Variants in JAKMIP2 observed in about 807,000 individuals in gnomAD.
JAKMIP2 encodes janus kinase and microtubule interacting protein 2.
In JAKMIP2, 25 loss-of-function variants were observed where a neutral mutation model predicts 115.0. That is an observed-to-expected ratio of 0.22 (90% CI 0.16 to 0.30). The LOEUF (loss-of-function observed/expected upper bound fraction) is 0.30, where lower values mean the gene tolerates loss of function less well. Among genes scored for constraint, JAKMIP2 ranks in the 10% least tolerant of loss-of-function variants. The pLI is 1.00. For synonymous variants in JAKMIP2, 334 were observed against 343.6 expected, an observed-to-expected ratio of 0.97 and a Z score of 0.31; for missense variants, 642 against 957.6, an observed-to-expected ratio of 0.67 and a Z score of 4.35.
intron 3 of JAKMIP2, among the ~76,000 whole-genome samples, chr5:147,657,415 C>A (rs947212722): frequency 8.5e-5 from 13 of 152,214 alleles, no homozygotes; most frequent in African/African-American, 2.9e-4. Context: ...CCTGGCCTTT[C>A]TCTCTGGTTA....
At position 147,603,795 on chromosome 5, in the gene JAKMIP2, G is replaced by A. The variant is rs76536722; in HGVS notation, c.2413-1984C>T. On this transcript the variant is annotated intron_variant, in intron 20 of 21. Coordinates refer to ENST00000616793, the MANE Select transcript of JAKMIP2 (RefSeq NM_001270941.2). Reference sequence around the variant, plus strand: ...GTAAAGTGTACTGAGCAAAAGAATTGTGAAAAAGTTTACATTGAATTCCAA... The same window carrying A: ...GTAAAGTGTACTGAGCAAAAGAATTATGAAAAAGTTTACATTGAATTCCAA... Among the ~76,000 whole-genome samples, 855 of 152,270 alleles carry A rather than the reference G, an allele frequency of 5.6e-3. 10 individuals carry two copies. Among genetic ancestry groups the A allele is most frequent in the African/African-American group, 0.02 (821 of 41,546 alleles).
chr5:147,688,937 A>T (rs1253748770), intron 1 of JAKMIP2, among the ~76,000 whole-genome samples: 1 of 152,256 alleles, frequency 6.6e-6, no homozygotes, highest in South Asian at 2.1e-4. Flanking sequence ...CATAATAAGC[A>T]TGCTAAGTAA....
intron 1 of JAKMIP2, among the ~76,000 whole-genome samples, chr5:147,718,212 G>A (rs1753097761): frequency 6.6e-6 from 1 of 151,336 alleles, no homozygotes; most frequent in African/African-American, 2.4e-5. Context: ...TGATCATGGT[G>A]GATAAGCTTT....
intron 2 of JAKMIP2, among the ~76,000 whole-genome samples, chr5:147,668,495 T>C (rs1759416959): frequency 1.3e-5 from 2 of 152,216 alleles, no homozygotes; most frequent in Admixed American, 1.3e-4. Context: ...GTGAGTACTG[T>C]AACGGTACTT....
chr5:147,767,153 TG>T (rs1377302402), intron 1 of JAKMIP2, among the ~76,000 whole-genome samples: 2 of 152,158 alleles, frequency 1.3e-5, no homozygotes, highest in Non-Finnish European at 2.9e-5. Context: ...AATGACCTGT[TG>T]GCTAAACTGA....
intron 10 of JAKMIP2, among the ~76,000 whole-genome samples, chr5:147,637,547 C>T (rs1329125571): frequency 6.7e-6 from 1 of 149,320 alleles, no homozygotes; most frequent in African/African-American, 2.5e-5. Context: ...TCAAGCAATT[C>T]TCCCGCTTCA....
chr5:147,657,045 C>T (rs958870325), intron 3 of JAKMIP2, among the ~76,000 whole-genome samples: 7 of 152,038 alleles, frequency 4.6e-5, no homozygotes, highest in African/African-American at 7.2e-5. Flanking sequence ...TTTGGGAGGC[C>T]GAGGCGGGTG....
At chr5:147,762,639 T>G (rs1754969187) in intron 1 of JAKMIP2, among the ~76,000 whole-genome samples, 3 of 152,120 alleles carry the variant, frequency 2.0e-5, no homozygotes, top group Non-Finnish European at 2.9e-5. Flanking sequence ...TCAACCCTTA[T>G]GACCTCATTT....
chr5:147,678,032 T>C (rs1200688042), intron 1 of JAKMIP2, among the ~76,000 whole-genome samples: 1 of 152,090 alleles, frequency 6.6e-6, no homozygotes, highest in South Asian at 2.1e-4. Flanking sequence ...TGAGACGGAG[T>C]CTTGCTCTGT....
chr5:147,681,137 A>G (rs1760245899), intron 1 of JAKMIP2, among the ~76,000 whole-genome samples: 1 of 152,200 alleles, frequency 6.6e-6, no homozygotes, highest in South Asian at 2.1e-4. Flanking sequence ...TGATAAATAA[A>G]TAATTTGGAT....
At chr5:147,612,618 G>GAGCCT (rs1473881784) in intron 19 of JAKMIP2, among the ~76,000 whole-genome samples, 1 of 152,174 alleles carries the variant, frequency 6.6e-6, no homozygotes, top group African/African-American at 2.4e-5. Context: ...CTTTTCTACT[G>GAGCCT]AGCCTATCCC....
At chr5:147,689,478 C>T (rs924377745) in intron 1 of JAKMIP2, among the ~76,000 whole-genome samples, 8 of 152,044 alleles carry the variant, frequency 5.3e-5, no homozygotes, top group African/African-American at 1.9e-4. Context: ...GAGATGGTAG[C>T]GGCTTAGAGA....
At chr5:147,720,280 C>T (rs1753212199) in intron 1 of JAKMIP2, among the ~76,000 whole-genome samples, 1 of 151,786 alleles carries the variant, frequency 6.6e-6, no homozygotes, top group Non-Finnish European at 1.5e-5. Context: ...CTGCCCTTAA[C>T]ATTTTTTCCT....
rs1256553916 is a variant in JAKMIP2 at position 147,767,770 on chromosome 5, G to GA, written c.-149+14685dup. 7.6e-4 allele frequency among the ~76,000 whole-genome samples: 115 copies of GA among 152,056 alleles called. 1 individual carries two copies. Among genetic ancestry groups the GA allele is most frequent in the East Asian group, 7.7e-4 (4 of 5,168 alleles). The stretch of plus-strand genomic sequence containing the variant: ...CACATGCAAGAAACGGTTCAAATTG[G>GA]AAAAAAATCTTTAAAAAGCCATTCA... On this transcript the variant is annotated intron_variant, in intron 1 of 21. Coordinates refer to ENST00000616793, the MANE Select transcript of JAKMIP2 (RefSeq NM_001270941.2).
At chr5:147,702,423 GAGGAAGGAAGGAAGGTAGGA>G (rs1487212908) in intron 1 of JAKMIP2, among the ~76,000 whole-genome samples, 1 of 128,196 alleles carries the variant, frequency 7.8e-6, no homozygotes, top group Non-Finnish European at 1.6e-5. Flanking sequence ...AAGAAAGAAA[GAGGAAGGAAGGAAGGTAGGA>G]AGGAAGGAAG....
chr5:147,711,774 T>G (rs1752791974), intron 1 of JAKMIP2, among the ~76,000 whole-genome samples: 1 of 152,150 alleles, frequency 6.6e-6, no homozygotes, highest in African/African-American at 2.4e-5. Flanking sequence ...TTGAAGCGAT[T>G]CTCCGGCCTC....
At chr5:147,756,574 T>C (rs568639411) in intron 1 of JAKMIP2, among the ~76,000 whole-genome samples, 15 of 152,266 alleles carry the variant, frequency 9.9e-5, no homozygotes, top group African/African-American at 3.4e-4. Flanking sequence ...TTTAAGACTG[T>C]TGCTCATGGG....
In JAKMIP2 at chr5:147,628,688, G is replaced by C. The variant is rs1757221972; in HGVS notation, c.1995+63C>G. 3 of 1,239,656 alleles carry C rather than the reference G, an allele frequency of 2.4e-6. No individual in the cohort carries two copies. In the Admixed American group the frequency reaches 5.3e-5, roughly 22 times the overall value. The allele number at this position is 1,239,656 out of a possible 1,614,324, so 76.8% of individuals were successfully genotyped here. A position where few individuals can be genotyped will look rare whatever the true frequency, so the allele number is the denominator to read the frequency against. ...CAGAGGGAATGTCCTTCACACCCTA[G>C]TCTGCTCGTTCAGTATTAAGCCAGA... On this transcript the variant is annotated intron_variant, in intron 16 of 21. Coordinates refer to ENST00000616793, the MANE Select transcript of JAKMIP2 (RefSeq NM_001270941.2).
intron 1 of JAKMIP2, among the ~76,000 whole-genome samples, chr5:147,704,330 G>A (rs1752486884): frequency 6.6e-6 from 1 of 152,128 alleles, no homozygotes; most frequent in Non-Finnish European, 1.5e-5. Flanking sequence ...GTGATGCATT[G>A]TGCTACAACA....
Sources: allele counts gnomAD v4.1 joint callset (sites outside exome capture counted in the v4.1 genomes callset), GRCh38; gene constraint gnomAD v4.1.1; transcripts MANE v1.5; gene names NCBI Gene and HGNC (gene_info 2026-07-23, HGNC 2026-07-21).